The following SPATA31F1 variants were observed in gnomAD, a reference collection of about 807,000 sequenced individuals.
SPATA31F1 encodes the protein protein SPATA31F1.
the SPATA31F1 span, chr9:34,728,095 G>A: frequency 1.4e-5 from 22 of 1,551,584 alleles, no homozygotes; most frequent in Non-Finnish European, 1.7e-5. Flanking sequence ...GAGGAACGGG[G>A]AGACAGTGTT....
chr9:34,724,538 T>A, the SPATA31F1 span: 11 of 1,550,222 alleles, frequency 7.1e-6, no homozygotes, highest in Non-Finnish European at 9.6e-6. Flanking sequence ...CCATTGTATC[T>A]CTAGGACCTT....
At chr9:34,729,460 C>G in the SPATA31F1 span, 2 of 1,527,242 alleles carry the variant, frequency 1.3e-6, no homozygotes, top group Non-Finnish European at 1.8e-6. Flanking sequence ...GATCAACCAT[C>G]CCTCTATCTC....
chr9:34,724,274 G>A, the SPATA31F1 span: 10 of 1,551,404 alleles, frequency 6.4e-6, no homozygotes, highest in African/African-American at 1.1e-4. Flanking sequence ...GACCGAGTGG[G>A]CAGAACCCTG....
At chr9:34,723,563 G>T in the SPATA31F1 span, 2 of 1,551,768 alleles carry the variant, frequency 1.3e-6, no homozygotes, top group Non-Finnish European at 1.7e-6. Flanking sequence ...TTTGCCTTTT[G>T]TCTTGGGGTT....
chr9:34,727,104 A>G, the SPATA31F1 span: 1 of 1,437,856 alleles, frequency 7.0e-7, no homozygotes. Context: ...GGCCTATACC[A>G]TCTTGTTGTC....
At chr9:34,728,589 A>G in the SPATA31F1 span, 277 of 1,549,336 alleles carry the variant, frequency 1.8e-4, no homozygotes, top group Admixed American at 2.9e-4. Flanking sequence ...AGGGAGTCAG[A>G]GGAGAGATTG....
At chr9:34,725,161 G>A in the SPATA31F1 span, 87 of 1,539,912 alleles carry the variant, frequency 5.6e-5, no homozygotes, top group East Asian at 1.2e-3. Context: ...GTACACAGGC[G>A]GGGATCTTGC....
At chr9:34,728,126 A>C in the SPATA31F1 span, 22 of 1,528,232 alleles carry the variant, frequency 1.4e-5, no homozygotes, top group Non-Finnish European at 1.9e-5. Context: ...GGATAATTTC[A>C]TAGGCATCCT....
At chr9:34,727,703 A>T in the SPATA31F1 span, among the ~76,000 whole-genome samples, 1 of 152,158 alleles carries the variant, frequency 6.6e-6, no homozygotes, top group Non-Finnish European at 1.5e-5. Context: ...TTTATTCAAA[A>T]CCCATTCTCT....
the SPATA31F1 span, chr9:34,729,244 A>G: frequency 2.0e-6 from 3 of 1,537,240 alleles, no homozygotes; most frequent in Non-Finnish European, 2.6e-6. Context: ...TAGGCTTCTT[A>G]TCTGAGGCTT....
chr9:34,724,224 G>A, the SPATA31F1 span: 2 of 1,551,368 alleles, frequency 1.3e-6, no homozygotes, highest in African/African-American at 2.7e-5. Flanking sequence ...CAAGGCATGT[G>A]GGCCTCTGTC....
chr9:34,728,166 T>G, the SPATA31F1 span: 11 of 1,262,522 alleles, frequency 8.7e-6, no homozygotes, highest in South Asian at 1.6e-4. Flanking sequence ...GGCCTTTGAC[T>G]CTCATCAAGA....
At chr9:34,726,792 C>G in the SPATA31F1 span, 1 of 1,551,756 alleles carries the variant, frequency 6.4e-7, no homozygotes, top group Non-Finnish European at 8.7e-7. Flanking sequence ...AGACTCTGAT[C>G]TAAAGACATA....
the SPATA31F1 span, chr9:34,725,766 AAG>A: frequency 6.5e-7 from 1 of 1,549,520 alleles, no homozygotes; most frequent in African/African-American, 1.4e-5. Flanking sequence ...GAAAGTGGGG[AAG>A]AGGGTGGGGC....
chr9:34,724,343 G>A, the SPATA31F1 span: 1 of 1,551,246 alleles, frequency 6.4e-7, no homozygotes, highest in Non-Finnish European at 8.7e-7. Context: ...CAAGTCATTG[G>A]CCAGCTGTTC....
At chr9:34,728,712 C>A in the SPATA31F1 span, 1 of 1,430,254 alleles carries the variant, frequency 7.0e-7, no homozygotes, top group Non-Finnish European at 9.6e-7. Flanking sequence ...TTCTCATGTC[C>A]AAAATGAGAC....
At chr9:34,729,457 C>A in the SPATA31F1 span, 3 of 1,531,494 alleles carry the variant, frequency 2.0e-6, no homozygotes, top group Admixed American at 6.1e-5. Context: ...TGAGATCAAC[C>A]ATCCCTCTAT....
At chr9:34,723,959 C>T in the SPATA31F1 span, 21 of 1,551,104 alleles carry the variant, frequency 1.4e-5, no homozygotes, top group Admixed American at 5.9e-5. Flanking sequence ...CCAGGACCCT[C>T]GGGGTGTCTT....
the SPATA31F1 span, among the ~76,000 whole-genome samples, chr9:34,727,190 T>C: frequency 6.6e-6 from 1 of 152,232 alleles, no homozygotes; most frequent in African/African-American, 2.4e-5. Flanking sequence ...CTGGAGCTTG[T>C]TGGGCAAGGC....
Sources: gnomAD v4.1 joint callset for allele counts (sites outside exome capture counted in the v4.1 genomes callset) on GRCh38, gnomAD v4.1.1 for gene constraint, MANE v1.5 for transcripts, NCBI Gene and HGNC (gene_info 2026-07-23, HGNC 2026-07-21) for gene names.